AP2A1: variants seen among roughly 807,000 people sequenced by gnomAD.
AP2A1 encodes the protein adaptor related protein complex 2 subunit alpha 1.
Under a neutral mutation model 107.3 loss-of-function variants are expected in AP2A1, and 21 were observed. The observed-to-expected ratio is 0.20, with a 90% CI of 0.14 to 0.28. The LOEUF (loss-of-function observed/expected upper bound fraction) is 0.28. Ranked by LOEUF, AP2A1 falls within the 10% of genes least tolerant of loss-of-function variation. AP2A1 has a pLI of 1.00. For missense variants in AP2A1, 873 were observed against 1,307.7 expected (o/e 0.67, Z 5.13); for synonymous variants, 602 against 564.8 (o/e 1.07, Z -0.93).
chr19:49,771,925 C>A (rs186097692), intron 1 of AP2A1, among the ~76,000 whole-genome samples: 1 of 152,152 alleles, frequency 6.6e-6, no homozygotes, highest in East Asian at 1.9e-4. Flanking sequence ...AGAGGCGGGG[C>A]AAGTGCAAAG....
Position 49,798,966 on chromosome 19 carries a change from C to T in AP2A1, c.965+14C>T. ...CCACTATGACAGGTGCCCGCCTGGG[C>T]CTATCAGGGCCTGATGCCTGGGGCC... On this transcript the variant is annotated intron_variant, in intron 8 of 22. Coordinates refer to ENST00000354293, the MANE Select transcript of AP2A1 (RefSeq NM_130787.3). 6.4e-7 allele frequency: 1 copy of T among 1,551,764 alleles called. No individual in the cohort carries two copies. The highest frequency in any genetic ancestry group is 8.7e-7 in the Non-Finnish European group (1 of 1,146,990).
rs918133110 is a variant in AP2A1 at position 49,805,949 on chromosome 19, A to G, written c.2655+8A>G. On this transcript the variant is annotated splice_region_variant and intron_variant, in intron 21 of 22. Coordinates refer to ENST00000354293, the MANE Select transcript of AP2A1 (RefSeq NM_130787.3). The stretch of plus-strand genomic sequence containing the variant: ...GAAGTTACTAAGGCCAAGGTGAGAG[A>G]CCGCGGGCGTGTTTGCCGGCCTATG... 1 of 1,613,596 alleles carries G rather than the reference A, an allele frequency of 6.2e-7. No individual in the cohort carries two copies. The highest frequency in any genetic ancestry group is 1.3e-5 in the African/African-American group (1 of 74,892).
In AP2A1 at chr19:49,798,922, A is replaced by G; in HGVS notation, c.935A>G (p.Glu312Gly). The G allele has an allele frequency of 1.9e-6, 3 of 1,555,094 alleles. No individual in the cohort carries two copies. Among genetic ancestry groups the G allele is most frequent in the Non-Finnish European group, 2.6e-6 (3 of 1,149,034 alleles). ...AACGCCAAGAACGCCATCCTCTTCG[A>G]GACCATCAGCCTCATCATCCACTAT... ...HSNAKNAILFETISLIIHYDS... is the reference protein window; with the variant it reads ...HSNAKNAILFGTISLIIHYDS... The change falls in exon 8 of 23, where the codon GAG (glutamate) becomes GGG (glycine). Residue 312 changes from glutamate (E) to glycine (G), a missense_variant. By Grantham distance (98) the Glu-to-Gly change is moderately conservative. Transcript: ENST00000354293.
chr19:49,787,513 AT>A (rs370766749), intron 4 of AP2A1, among the ~76,000 whole-genome samples: 29,893 of 128,906 alleles, frequency 0.23, 3,122 homozygotes, highest in South Asian at 0.36. Context: ...ACACCTGGCT[AT>A]TTTTTTTTTT....
At chr19:49,806,325 C>T (rs1222399619) in intron 22 of AP2A1, 72 bp downstream of exon 22, 7 of 1,477,850 alleles carry the variant, frequency 4.7e-6, no homozygotes, top group Non-Finnish European at 6.3e-6. Flanking sequence ...CCCTTCCTGC[C>T]TCACTGTTCT....
intron 6 of AP2A1, among the ~76,000 whole-genome samples, chr19:49,794,942 C>T (rs564288383): frequency 5.9e-5 from 9 of 152,114 alleles, no homozygotes; most frequent in South Asian, 2.1e-4. Context: ...GGATTACAGG[C>T]GTGAGCCACT....
chr19:49,805,339 A>G lies in AP2A1; in HGVS notation c.2345-114A>G, dbSNP rs1028658408. On this transcript the variant is annotated intron_variant, in intron 18 of 22. Coordinates refer to ENST00000354293, the MANE Select transcript of AP2A1 (RefSeq NM_130787.3). ...GTAGGATTGAGTCCAGGATTGCACC[A>G]TGGGGTCCCTCAAAGACCTGCAGGC... 2.5e-5 allele frequency: 31 copies of G among 1,243,200 alleles called. No individual in the cohort carries two copies. In the African/African-American group the frequency reaches 3.5e-4, roughly 14 times the overall value. The allele number at this position is 1,243,200 out of a possible 1,614,324, so 77.0% of individuals were successfully genotyped here.
rs79835669 is a variant in AP2A1 at position 49,771,388 on chromosome 19, G to A, written c.67+4188G>A. 6.5e-3 allele frequency among the ~76,000 whole-genome samples: 983 copies of A among 150,668 alleles called. 10 individuals are homozygous for A. Among genetic ancestry groups the A allele is most frequent in the Admixed American group, 0.02 (299 of 15,030 alleles). The stretch of plus-strand genomic sequence containing the variant: ...CAACATCATGAATGTACTAAAGAAC[G>A]CTGAATTGTTCACTGTAAAAGGGTC... On this transcript the variant is annotated intron_variant, in intron 1 of 22. Transcript: ENST00000354293.
rs1172427915 is a variant in AP2A1 at position 49,805,946 on chromosome 19, G to A, written c.2655+5G>A. ...GCAGAAGTTACTAAGGCCAAGGTGA[G>A]AGACCGCGGGCGTGTTTGCCGGCCT... is the stretch of plus-strand genomic sequence containing the variant. On this transcript the variant is annotated splice_donor_5th_base_variant and intron_variant, in intron 21 of 22. Transcript: ENST00000354293. 6.2e-7 allele frequency: 1 copy of A among 1,613,652 alleles called. No homozygotes were observed. Among genetic ancestry groups the A allele is most frequent in the African/African-American group, 1.3e-5 (1 of 74,914 alleles).
At chr19:49,799,932 C>CTGCG in intron 10 of AP2A1, 36 bp from the exon 11 acceptor site, 3 of 1,605,616 alleles carry the variant, frequency 1.9e-6, no homozygotes, top group Non-Finnish European at 2.6e-6. Flanking sequence ...CCGACATGGC[C>CTGCG]TGCGGCACAC....
chr19:49,805,263 C>A, intron 18 of AP2A1, 190 bp from the exon 19 acceptor site: 1 of 604,622 alleles, frequency 1.7e-6, no homozygotes, highest in Non-Finnish European at 2.7e-6. Context: ...AAGGAGGCAC[C>A]TAGGGGGCGC....
Position 49,799,006 on chromosome 19 carries a change from T to C in AP2A1, c.965+54T>C, listed in dbSNP as rs954422226. ...TGCCTGGGGCCAGGAAAGAGGGGCATGGAGGCCCGGACTCCTGAGTCCTAG... is the reference window on the plus strand; with the variant it reads ...TGCCTGGGGCCAGGAAAGAGGGGCACGGAGGCCCGGACTCCTGAGTCCTAG... On this transcript the variant is annotated intron_variant, in intron 8 of 22. Coordinates refer to ENST00000354293, the MANE Select transcript of AP2A1 (RefSeq NM_130787.3). The C allele has an allele frequency of 7.8e-6, 12 of 1,547,672 alleles. No individual in the cohort carries two copies. In the East Asian group the frequency reaches 2.7e-4, roughly 35 times the overall value.
intron 7 of AP2A1, among the ~76,000 whole-genome samples, chr19:49,798,314 T>C (rs924083818): frequency 1.3e-5 from 2 of 152,150 alleles, no homozygotes; most frequent in African/African-American, 4.8e-5. Flanking sequence ...GCCAGGAGGA[T>C]GGCACCGAGT....
At chr19:49,779,104 A>G (rs974196005) in intron 1 of AP2A1, among the ~76,000 whole-genome samples, 11 of 151,836 alleles carry the variant, frequency 7.2e-5, no homozygotes, top group East Asian at 1.9e-4. Flanking sequence ...TGAGAGGCCA[A>G]TGTGGGCAGA....
At chr19:49,771,303 T>TAA (rs902347385) in intron 1 of AP2A1, among the ~76,000 whole-genome samples, 6,274 of 97,796 alleles carry the variant, frequency 0.064, 192 homozygotes, top group South Asian at 0.09. Flanking sequence ...CCTCATCTCT[T>TAA]AAAAAAAAAA....
chr19:49,795,152 G>T (rs1418975269), intron 6 of AP2A1, among the ~76,000 whole-genome samples: 1 of 152,252 alleles, frequency 6.6e-6, no homozygotes, highest in South Asian at 2.1e-4. Flanking sequence ...GACGGAGGAA[G>T]CCTGGGGCAT....
intron 1 of AP2A1, among the ~76,000 whole-genome samples, chr19:49,780,877 A>C (rs1230398900): frequency 6.6e-6 from 1 of 152,172 alleles, no homozygotes; most frequent in Non-Finnish European, 1.5e-5. Flanking sequence ...CCCTGTCTCA[A>C]AAATTAAAAG....
At chr19:49,793,580 C>T (rs765497853) in intron 6 of AP2A1, among the ~76,000 whole-genome samples, 1 of 152,196 alleles carries the variant, frequency 6.6e-6, no homozygotes, top group Non-Finnish European at 1.5e-5. Context: ...GCATGCCAGG[C>T]TCCATGTCGG....
At chr19:49,802,652 C>G (rs2073304373) in intron 15 of AP2A1, 4 of 1,471,818 alleles carry the variant, frequency 2.7e-6, no homozygotes, top group Non-Finnish European at 3.6e-6. Context: ...CTCGGGTGTC[C>G]CCAGGGAGAG....
Sources: allele counts gnomAD v4.1 joint callset (sites outside exome capture counted in the v4.1 genomes callset), GRCh38; gene constraint gnomAD v4.1.1; transcripts MANE v1.5; gene names NCBI Gene and HGNC (gene_info 2026-07-23, HGNC 2026-07-21).